HPSE2: variants seen among roughly 807,000 people sequenced by gnomAD.
HPSE2 encodes the protein heparanase 2 (inactive).
HPSE2 carries 38 observed loss-of-function variants against 60.5 expected under a neutral mutation model. The ratio of observed to expected loss-of-function variants is 0.63; its 90% CI spans 0.48 to 0.82. The LOEUF (loss-of-function observed/expected upper bound fraction) is 0.82. Among genes scored for constraint, HPSE2 ranks in the 40% least tolerant of loss-of-function variants. HPSE2 has a pLI of 0.00. For missense variants in HPSE2, 713 were observed against 740.4 expected, an observed-to-expected ratio of 0.96 and a Z score of 0.43; for synonymous variants, 295 against 293.2, an observed-to-expected ratio of 1.01 and a Z score of -0.06.
intron 7 of HPSE2, among the ~76,000 whole-genome samples, chr10:98,623,569 A>G (rs996522033): frequency 6.6e-6 from 1 of 152,214 alleles, no homozygotes; most frequent in African/African-American, 2.4e-5. Flanking sequence ...TAAGTAGGCA[A>G]ATAACCATAA....
intron 3 of HPSE2, among the ~76,000 whole-genome samples, chr10:98,897,112 C>G (rs945257214): frequency 2.0e-5 from 3 of 152,034 alleles, no homozygotes; most frequent in Admixed American, 2.0e-4. Flanking sequence ...TATGTTCTCA[C>G]TTATAAGTGG....
chr10:98,465,454 G>A (rs528731736), intron 11 of HPSE2, among the ~76,000 whole-genome samples: 1 of 152,268 alleles, frequency 6.6e-6, no homozygotes, highest in Admixed American at 6.5e-5. Context: ...GCCCTATCTG[G>A]CCTCCCTTGT....
At chr10:99,086,805 G>A (rs1310954913) in intron 3 of HPSE2, among the ~76,000 whole-genome samples, 1 of 152,120 alleles carries the variant, frequency 6.6e-6, no homozygotes, top group African/African-American at 2.4e-5. Flanking sequence ...TTACTATTAT[G>A]CCAAATAAAA....
intron 3 of HPSE2, among the ~76,000 whole-genome samples, chr10:98,934,681 C>T (rs998940001): frequency 2.8e-5 from 4 of 143,940 alleles, no homozygotes; most frequent in Non-Finnish European, 6.0e-5. Context: ...TGTAGGTGAC[C>T]TGGCCTTTCT....
rs191408980 is a variant in HPSE2 at position 98,488,580 on chromosome 10, C to T, written c.1466+1471G>A. Among the ~76,000 whole-genome samples the T allele has an allele frequency of 1.6e-4, 24 of 152,314 alleles. No homozygotes were observed. The East Asian group carries it at 4.4e-3, about 28-fold the overall frequency. ...CCATGGCTGCAGATATTTTTTCCCC[C>T]AAGTCCTCAGATTAGCGGTATAAAG... On this transcript the variant is annotated intron_variant, in intron 10 of 11. Transcript: ENST00000370552.
At position 98,522,347 on chromosome 10, in the gene HPSE2, A is replaced by C. The variant is rs555189072; in HGVS notation, c.1321-32151T>G. Among the ~76,000 whole-genome samples the C allele has an allele frequency of 3.9e-5, 6 of 152,266 alleles. No individual in the cohort carries two copies. In the East Asian group the frequency reaches 1.2e-3, roughly 29 times the overall value. ...ATCTTTGTTCCCCACCATCCACTAT[A>C]AGAGAAACTAATAGGTACTTTGCTG... On this transcript the variant is annotated intron_variant, in intron 9 of 11. Coordinates refer to ENST00000370552, the MANE Select transcript of HPSE2 (RefSeq NM_021828.5).
intron 3 of HPSE2, among the ~76,000 whole-genome samples, chr10:98,802,334 T>C (rs561722772): frequency 3.3e-5 from 5 of 151,772 alleles, no homozygotes; most frequent in Non-Finnish European, 5.9e-5. Context: ...AAAATTATTA[T>C]TGTACTTTAA....
At chr10:98,586,656 T>C (rs1195930315) in intron 9 of HPSE2, among the ~76,000 whole-genome samples, 1 of 152,128 alleles carries the variant, frequency 6.6e-6, no homozygotes, top group Non-Finnish European at 1.5e-5. Context: ...AAATAGGAGA[T>C]TGCAAGATTA....
upstream of HPSE2, among the ~76,000 whole-genome samples, chr10:99,240,232 ATAT>A (rs1849917110): frequency 6.6e-6 from 1 of 151,944 alleles, no homozygotes; most frequent in African/African-American, 2.4e-5. Context: ...AAAAATCCCT[ATAT>A]TATTATCATT....
At chr10:99,165,766 C>G (rs768056736) in intron 2 of HPSE2, among the ~76,000 whole-genome samples, 50 of 151,772 alleles carry the variant, frequency 3.3e-4, no homozygotes, top group African/African-American at 1.2e-3. Context: ...AGGCTGGTCT[C>G]GAACTCCTGA....
chr10:98,719,859 G>C (rs1023142586), intron 5 of HPSE2, among the ~76,000 whole-genome samples: 9 of 151,958 alleles, frequency 5.9e-5, no homozygotes. Flanking sequence ...AAATTAGCCA[G>C]GCATGGTGGC....
At chr10:98,468,808 G>C (rs1940662027) in intron 11 of HPSE2, among the ~76,000 whole-genome samples, 1 of 152,084 alleles carries the variant, frequency 6.6e-6, no homozygotes, top group African/African-American at 2.4e-5. Flanking sequence ...GATAGAGAGA[G>C]AAAATGGGGA....
chr10:98,932,556 C>T (rs1221044416), intron 3 of HPSE2, among the ~76,000 whole-genome samples: 8 of 142,148 alleles, frequency 5.6e-5, no homozygotes, highest in Non-Finnish European at 1.0e-4. Context: ...ACCAGCTCCT[C>T]GTTGTACCTC....
chr10:98,928,888 A>C (rs1298194334), intron 3 of HPSE2, among the ~76,000 whole-genome samples: 1 of 138,496 alleles, frequency 7.2e-6, no homozygotes, highest in Non-Finnish European at 1.5e-5. Flanking sequence ...GCCTAATGCT[A>C]GATGACGAGG....
chr10:99,253,381 A>C, the HPSE2 span, among the ~76,000 whole-genome samples: 2 of 152,208 alleles, frequency 1.3e-5, no homozygotes, highest in Non-Finnish European at 2.9e-5. Context: ...CAAAAAAAGC[A>C]ATGGGGAAAG....
intron 3 of HPSE2, among the ~76,000 whole-genome samples, chr10:98,828,152 A>G (rs943100176): frequency 7.2e-6 from 1 of 138,204 alleles, no homozygotes; most frequent in East Asian, 1.9e-4. Flanking sequence ...ATAAATCTCT[A>G]TCTCTCTGTC....
At chr10:98,664,406 G>A (rs1292169800) in intron 6 of HPSE2, among the ~76,000 whole-genome samples, 1 of 152,118 alleles carries the variant, frequency 6.6e-6, no homozygotes, top group African/African-American at 2.4e-5. Flanking sequence ...TCCAAGAAGG[G>A]TGTAGCCTGT....
At chr10:98,531,434 C>T (rs1943128413) in intron 9 of HPSE2, among the ~76,000 whole-genome samples, 1 of 152,158 alleles carries the variant, frequency 6.6e-6, no homozygotes, top group South Asian at 2.1e-4. Flanking sequence ...TGGCTGCAGC[C>T]CCACATCCAA....
rs146440746 is a variant in HPSE2 at position 98,535,589 on chromosome 10, G to A, written c.1321-45393C>T. ...TGGACCACTTGAAACTCCTCTAAGC[G>A]TATACTATTGATATATATATCTCAG... is the stretch of plus-strand genomic sequence containing the variant. On this transcript the variant is annotated intron_variant, in intron 9 of 11. Transcript: ENST00000370552. 1.7e-3 allele frequency among the ~76,000 whole-genome samples: 264 copies of A among 152,148 alleles called. 1 individual carries two copies. The highest frequency in any genetic ancestry group is 6.1e-3 in the African/African-American group (253 of 41,506).
Sources: gnomAD v4.1 joint callset for allele counts (sites outside exome capture counted in the v4.1 genomes callset) on GRCh38, gnomAD v4.1.1 for gene constraint, MANE v1.5 for transcripts, NCBI Gene and HGNC (gene_info 2026-07-23, HGNC 2026-07-21) for gene names.